The following SLC13A3 variants were observed in gnomAD, a reference collection of about 807,000 sequenced individuals.
The protein encoded by SLC13A3 is solute carrier family 13 member 3, also known as Na(+)/dicarboxylate cotransporter 3.
Under a neutral mutation model 59.0 loss-of-function variants are expected in SLC13A3, and 40 were observed. That is an observed-to-expected ratio of 0.68 (90% CI 0.53 to 0.88). The LOEUF (loss-of-function observed/expected upper bound fraction) is 0.88, where lower values mean the gene tolerates loss of function less well. Ranked by LOEUF, SLC13A3 falls within the 40% of genes least tolerant of loss-of-function variation. The pLI, the probability that SLC13A3 is intolerant of heterozygous loss-of-function variation, is 0.00. For missense variants in SLC13A3, 699 were observed against 783.2 expected, an observed-to-expected ratio of 0.89 and a Z score of 1.28; for synonymous variants, 317 against 330.3, an observed-to-expected ratio of 0.96 and a Z score of 0.44.
chr20:46,581,662 A>T (rs2062139554), intron 9 of SLC13A3, among the ~76,000 whole-genome samples: 1 of 152,208 alleles, frequency 6.6e-6, no homozygotes, highest in Non-Finnish European at 1.5e-5. Context: ...GAAGGAGCAG[A>T]AAGTATGAGG....
intron 1 of SLC13A3, among the ~76,000 whole-genome samples, chr20:46,663,355 G>A (rs1435843107): frequency 6.6e-6 from 1 of 151,806 alleles, no homozygotes; most frequent in East Asian, 1.9e-4. Flanking sequence ...TGAAGTGGGA[G>A]GATTGATTAA....
At chr20:46,579,152 CT>C (rs2062109847) in intron 9 of SLC13A3, among the ~76,000 whole-genome samples, 1 of 150,454 alleles carries the variant, frequency 6.6e-6, no homozygotes, top group East Asian at 2.0e-4. Flanking sequence ...TCTTTTTTTT[CT>C]TGAGACAGGG....
chr20:46,576,818 C>CT (rs2062081450), intron 9 of SLC13A3, among the ~76,000 whole-genome samples: 1 of 152,172 alleles, frequency 6.6e-6, no homozygotes, highest in Admixed American at 6.5e-5. Context: ...TCCTTTTGAG[C>CT]TTTTTCCAAA....
chr20:46,656,828 G>A (rs1321164642), intron 1 of SLC13A3, among the ~76,000 whole-genome samples: 1 of 151,838 alleles, frequency 6.6e-6, no homozygotes, highest in Non-Finnish European at 1.5e-5. Flanking sequence ...TCTCTCTGTT[G>A]TTCACAGTGG....
chr20:46,620,354 T>G (rs2062602267), intron 1 of SLC13A3, among the ~76,000 whole-genome samples: 2 of 152,212 alleles, frequency 1.3e-5, no homozygotes, highest in African/African-American at 4.8e-5. Context: ...GGGTTTCAAA[T>G]TTTTGCACCA....
chr20:46,661,159 G>A (rs1234811099), intron 1 of SLC13A3, among the ~76,000 whole-genome samples: 1 of 151,940 alleles, frequency 6.6e-6, no homozygotes, highest in Non-Finnish European at 1.5e-5. Flanking sequence ...TTTTATTATT[G>A]TCTGTGTGGT....
chr20:46,650,525 C>T (rs1275961245), intron 1 of SLC13A3, among the ~76,000 whole-genome samples: 1 of 152,176 alleles, frequency 6.6e-6, no homozygotes, highest in Non-Finnish European at 1.5e-5. Flanking sequence ...CCAGTCACTG[C>T]TTATTGGGCA....
intron 3 of SLC13A3, among the ~76,000 whole-genome samples, chr20:46,601,595 G>T (rs2062380795): frequency 6.6e-6 from 1 of 152,182 alleles, no homozygotes; most frequent in African/African-American, 2.4e-5. Context: ...AGTAATATAC[G>T]CAGTATGTCA....
intron 5 of SLC13A3, 77 bp downstream of exon 5, chr20:46,596,080 C>T: frequency 7.2e-7 from 1 of 1,387,798 alleles, no homozygotes; most frequent in Non-Finnish European, 9.9e-7. Flanking sequence ...AATACACATT[C>T]CCTGGATGTT....
At chr20:46,604,998 C>T (rs6094392) in intron 3 of SLC13A3, among the ~76,000 whole-genome samples, 3,310 of 152,248 alleles carry the variant, frequency 0.022, 105 homozygotes, top group African/African-American at 0.075. Flanking sequence ...AGCAACTTGT[C>T]TGAGGTTACA....
At chr20:46,647,751 A>G (rs1197068262) in intron 1 of SLC13A3, among the ~76,000 whole-genome samples, 1 of 152,200 alleles carries the variant, frequency 6.6e-6, no homozygotes, top group Non-Finnish European at 1.5e-5. Flanking sequence ...CAGGTGCATG[A>G]AAACCAACCC....
intron 1 of SLC13A3, among the ~76,000 whole-genome samples, chr20:46,668,161 C>T (rs2063071708): frequency 1.3e-5 from 2 of 152,166 alleles, no homozygotes; most frequent in African/African-American, 4.8e-5. Context: ...AAGAAAGAGT[C>T]ATACATCTCT....
chr20:46,617,948 G>C lies in SLC13A3; in HGVS notation c.112-4223C>G, dbSNP rs184677702. Among the ~76,000 whole-genome samples, 117 of 152,188 alleles carry C rather than the reference G, an allele frequency of 7.7e-4. 1 individual carries two copies. Among genetic ancestry groups the C allele is most frequent in the African/African-American group, 2.7e-3 (113 of 41,518 alleles). On this transcript the variant is annotated intron_variant, in intron 1 of 12. Coordinates refer to ENST00000279027, the MANE Select transcript of SLC13A3 (RefSeq NM_022829.6). The stretch of plus-strand genomic sequence containing the variant: ...CTGTGTACCACTCACCAGACCAACA[G>C]GTATCCCAATTTGTAAATATGAGTC...
chr20:46,662,539 G>A (rs191762386), intron 1 of SLC13A3, among the ~76,000 whole-genome samples: 8 of 152,260 alleles, frequency 5.3e-5, no homozygotes, highest in East Asian at 3.9e-4. Flanking sequence ...AGACGAAAAC[G>A]ATATTACAAA....
chr20:46,679,019 C>A (rs935979887), intron 1 of SLC13A3, among the ~76,000 whole-genome samples: 1 of 152,156 alleles, frequency 6.6e-6, no homozygotes. Flanking sequence ...CCACCATGAT[C>A]GGAAGCTTCC....
rs1385333331 is a variant in SLC13A3, at chr20:46,560,198, C to T, written c.1633G>A (p.Val545Met). The T allele has an allele frequency of 6.2e-7, 1 of 1,614,006 alleles. No individual in the cohort carries two copies. Among genetic ancestry groups the T allele is most frequent in the East Asian group, 2.2e-5 (1 of 44,880 alleles). The change falls in exon 13 of 13, where the codon GTG becomes ATG. Residue 545 changes from valine to methionine, a missense_variant and splice_region_variant. Coordinates refer to ENST00000279027, the MANE Select transcript of SLC13A3 (RefSeq NM_022829.6). ...ASGHLLVKDM[V>M]RTGLLMNLMG... Reference sequence around the variant, plus strand: ...AGGTTCATCAGGAGGCCTGTCCGCACCTGAAATAGAGCCCAGACAGAGGGA... The same window carrying T: ...AGGTTCATCAGGAGGCCTGTCCGCATCTGAAATAGAGCCCAGACAGAGGGA...
At chr20:46,592,129 C>T (rs1373548139) in intron 6 of SLC13A3, among the ~76,000 whole-genome samples, 1 of 152,140 alleles carries the variant, frequency 6.6e-6, no homozygotes. Flanking sequence ...CAGAGGAACA[C>T]TGAACCTGGG....
chr20:46,674,965 C>T (rs1568967236), upstream of SLC13A3, among the ~76,000 whole-genome samples: 1 of 151,976 alleles, frequency 6.6e-6, no homozygotes, highest in African/African-American at 2.4e-5. Context: ...TGGGGGCTTC[C>T]CAGACAAAGT....
In SLC13A3 at chr20:46,566,341, T is replaced by G. The variant is rs748055392; in HGVS notation, c.1382A>C (p.Asn461Thr). The G allele has an allele frequency of 1.8e-5, 29 of 1,612,520 alleles. No individual in the cohort carries two copies. In the South Asian group the frequency reaches 3.1e-4, roughly 17 times the overall value. ...CAGCACAGCCAGGGCGGGGGGCACA[T>G]TCTCCAGGGGGTGCAGCTGCCCACC... ...WIGGQLHPLE[N>T]VPPALAVLLI... The change falls in exon 11 of 13, where the codon AAT becomes ACT. Residue 461 changes from asparagine (N) to threonine (T), a missense_variant. By Grantham distance (65) the Asn-to-Thr change is moderately conservative (BLOSUM62 0). Transcript: ENST00000279027.
Sources: gnomAD v4.1 joint callset for allele counts (sites outside exome capture counted in the v4.1 genomes callset) on GRCh38, gnomAD v4.1.1 for gene constraint, MANE v1.5 for transcripts, NCBI Gene and HGNC (gene_info 2026-07-23, HGNC 2026-07-21) for gene names.